C1QTNF7: variants seen among roughly 807,000 people sequenced by gnomAD.
The protein encoded by C1QTNF7 is complement C1q tumor necrosis factor-related protein 7.
A neutral mutation model predicts 19.6 loss-of-function variants in C1QTNF7; 15 were observed. The ratio of observed to expected loss-of-function variants is 0.76; its 90% CI spans 0.51 to 1.18. C1QTNF7 has a LOEUF of 1.18. C1QTNF7 is among the 50% of genes most tolerant of loss of function. The probability of loss-of-function intolerance (pLI) is 0.00; values close to 1 mark genes in which losing one functional copy is unlikely to be tolerated. For synonymous variants in C1QTNF7, 142 were observed against 137.5 expected (o/e 1.03, Z -0.23); for missense variants, 324 against 359.7 (o/e 0.90, Z 0.80).
intron 2 of C1QTNF7, among the ~76,000 whole-genome samples, chr4:15,437,296 C>G (rs1484742723): frequency 6.6e-6 from 1 of 151,712 alleles, no homozygotes; most frequent in African/African-American, 2.4e-5. Context: ...GTATCCTTGG[C>G]CACATATGCT....
intron 1 of C1QTNF7, among the ~76,000 whole-genome samples, chr4:15,429,465 T>C (rs1712209692): frequency 6.6e-6 from 1 of 152,234 alleles, no homozygotes; most frequent in Non-Finnish European, 1.5e-5. Flanking sequence ...CTAGGAACTT[T>C]GTGTAAGAGG....
At chr4:15,421,143 G>A (rs900767406) in intron 1 of C1QTNF7, among the ~76,000 whole-genome samples, 2 of 151,628 alleles carry the variant, frequency 1.3e-5, no homozygotes, top group East Asian at 1.9e-4. Flanking sequence ...CCGGATAAAC[G>A]TTTAGAAACA....
chr4:15,430,825 C>G (rs1010936568), intron 1 of C1QTNF7, among the ~76,000 whole-genome samples: 3 of 151,916 alleles, frequency 2.0e-5, no homozygotes, highest in Admixed American at 2.0e-4. Flanking sequence ...TCTGATGGAA[C>G]AAATTTTTAA....
intron 1 of C1QTNF7, among the ~76,000 whole-genome samples, chr4:15,350,617 T>C (rs1360963436): frequency 2.0e-5 from 3 of 152,194 alleles, no homozygotes; most frequent in Non-Finnish European, 4.4e-5. Context: ...ATTCTCTATT[T>C]TGTTTTGATC....
intron 1 of C1QTNF7, among the ~76,000 whole-genome samples, chr4:15,369,096 A>G (rs1717632142): frequency 6.6e-6 from 1 of 152,262 alleles, no homozygotes; most frequent in African/African-American, 2.4e-5. Context: ...AACATGTCAT[A>G]GTGTTCATTT....
At chr4:15,432,017 G>T (rs1471679293) in intron 1 of C1QTNF7, among the ~76,000 whole-genome samples, 1 of 152,158 alleles carries the variant, frequency 6.6e-6, no homozygotes. Context: ...TGTGAAGAGG[G>T]AGATGAAGAA....
At chr4:15,438,053 T>C (rs977725467) in intron 2 of C1QTNF7, among the ~76,000 whole-genome samples, 7 of 152,188 alleles carry the variant, frequency 4.6e-5, no homozygotes, top group African/African-American at 1.7e-4. Context: ...ATCATCATAA[T>C]AACCACTTAC....
intron 2 of C1QTNF7, among the ~76,000 whole-genome samples, chr4:15,440,127 G>A (rs920743533): frequency 1.3e-5 from 2 of 151,858 alleles, no homozygotes; most frequent in African/African-American, 4.8e-5. Flanking sequence ...CCTATAGTTG[G>A]TCTGCAGATA....
intron 1 of C1QTNF7, among the ~76,000 whole-genome samples, chr4:15,421,311 G>A (rs1711749320): frequency 6.6e-6 from 1 of 152,060 alleles, no homozygotes; most frequent in Admixed American, 6.5e-5. Flanking sequence ...ACATTCTGTG[G>A]CTGGAGTGGT....
At chr4:15,432,647 G>A (rs1171627587) in intron 1 of C1QTNF7, among the ~76,000 whole-genome samples, 2 of 152,072 alleles carry the variant, frequency 1.3e-5, no homozygotes, top group Non-Finnish European at 2.9e-5. Context: ...CTCCAACCTT[G>A]GCCACCCAAA....
chr4:15,381,585 G>A (rs553137421), intron 1 of C1QTNF7, among the ~76,000 whole-genome samples: 12 of 152,242 alleles, frequency 7.9e-5, no homozygotes, highest in South Asian at 2.1e-4. Context: ...GGTATGGGAC[G>A]TCTCTGGACT....
At chr4:15,407,875 C>T (rs933989252) in intron 1 of C1QTNF7, among the ~76,000 whole-genome samples, 1 of 151,884 alleles carries the variant, frequency 6.6e-6, no homozygotes, top group African/African-American at 2.4e-5. Flanking sequence ...GCAGTGAGCC[C>T]AGAAGGCAGA....
At chr4:15,371,156 A>G (rs767287041) in intron 1 of C1QTNF7, among the ~76,000 whole-genome samples, 3 of 152,256 alleles carry the variant, frequency 2.0e-5, no homozygotes, top group Non-Finnish European at 4.4e-5. Context: ...CTGCCCTTGC[A>G]GGAACCCAGG....
chr4:15,344,225 G>T (rs76777847), intron 1 of C1QTNF7, among the ~76,000 whole-genome samples: 1 of 152,200 alleles, frequency 6.6e-6, no homozygotes, highest in African/African-American at 2.4e-5. Flanking sequence ...AGCCTTGAAT[G>T]CCAAACCACA....
intron 1 of C1QTNF7, among the ~76,000 whole-genome samples, chr4:15,369,064 T>C: frequency 6.6e-6 from 1 of 152,228 alleles, no homozygotes; most frequent in South Asian, 2.1e-4. Context: ...AGGAAATATG[T>C]CTTAATTAGG....
chr4:15,432,086 AC>A (rs1285600789), intron 1 of C1QTNF7, among the ~76,000 whole-genome samples: 1 of 152,128 alleles, frequency 6.6e-6, no homozygotes. Context: ...GACACGTGAG[AC>A]CCTAAGGCAG....
At chr4:15,382,298 T>C (rs759036498) in intron 1 of C1QTNF7, among the ~76,000 whole-genome samples, 9 of 152,000 alleles carry the variant, frequency 5.9e-5, no homozygotes, top group Admixed American at 4.6e-4. Context: ...ATAGTCACCA[T>C]TGCAAAATTA....
At chr4:15,363,290 TC>T (rs199837079) in intron 1 of C1QTNF7, among the ~76,000 whole-genome samples, 221 of 150,902 alleles carry the variant, frequency 1.5e-3, no homozygotes, top group African/African-American at 3.3e-3. Context: ...GGTTGGTCTT[TC>T]TTTTTTTTAA....
chr4:15,421,711 C>T (rs1368184013), intron 1 of C1QTNF7, among the ~76,000 whole-genome samples: 4 of 152,156 alleles, frequency 2.6e-5, no homozygotes, highest in African/African-American at 9.7e-5. Context: ...CATTTAGAAA[C>T]TTCAGTTTCC....
Sources: gnomAD v4.1 joint callset for allele counts (sites outside exome capture counted in the v4.1 genomes callset) on GRCh38, gnomAD v4.1.1 for gene constraint, MANE v1.5 for transcripts, NCBI Gene and HGNC (gene_info 2026-07-23, HGNC 2026-07-21) for gene names.